GPHN: variants seen among roughly 807,000 people sequenced by gnomAD.
GPHN encodes gephyrin.
GPHN carries 17 observed loss-of-function variants against 95.5 expected under a neutral mutation model. That is an observed-to-expected ratio of 0.18 (90% CI 0.12 to 0.27). The LOEUF (loss-of-function observed/expected upper bound fraction) is 0.27. Ranked by LOEUF, GPHN falls within the 10% of genes least tolerant of loss-of-function variation. The pLI, the probability that GPHN is intolerant of heterozygous loss-of-function variation, is 1.00. For synonymous variants in GPHN, 320 were observed against 322.5 expected, an observed-to-expected ratio of 0.99 and a Z score of 0.08; for missense variants, 660 against 978.1, an observed-to-expected ratio of 0.67 and a Z score of 4.34.
intron 2 of GPHN, among the ~76,000 whole-genome samples, chr14:66,773,611 C>T (rs1434300761): frequency 6.6e-6 from 1 of 152,194 alleles, no homozygotes; most frequent in African/African-American, 2.4e-5. Flanking sequence ...CTCGGCCTCC[C>T]AAAGTGCTGG....
At chr14:66,703,058 G>A (rs957027030) in intron 2 of GPHN, among the ~76,000 whole-genome samples, 6 of 151,966 alleles carry the variant, frequency 3.9e-5, no homozygotes, top group African/African-American at 1.5e-4. Context: ...TGAAGACCAC[G>A]TTGCTGAAAT....
chr14:66,581,943 T>C (rs1307330342), intron 1 of GPHN, among the ~76,000 whole-genome samples: 4 of 152,018 alleles, frequency 2.6e-5, no homozygotes, highest in Non-Finnish European at 5.9e-5. Flanking sequence ...TATAGTGTAG[T>C]AGACTTTAGT....
intron 8 of GPHN, among the ~76,000 whole-genome samples, chr14:66,928,346 T>A (rs2066599040): frequency 6.6e-6 from 1 of 152,212 alleles, no homozygotes; most frequent in South Asian, 2.1e-4. Flanking sequence ...TAATGATACT[T>A]TGAATTTTTG....
chr14:67,225,960 T>TGTGTGTGTGC, the GPHN span, among the ~76,000 whole-genome samples: 1 of 119,756 alleles, frequency 8.4e-6, no homozygotes, highest in Non-Finnish European at 1.6e-5. Context: ...TGTGTGTGTG[T>TGTGTGTGTGC]GTGCGCGCGC....
intron 2 of GPHN, among the ~76,000 whole-genome samples, chr14:66,702,873 A>G (rs374810154): frequency 5.3e-5 from 8 of 152,198 alleles, no homozygotes; most frequent in Admixed American, 4.6e-4. Flanking sequence ...TTCTAACCCA[A>G]TGCAACAAAG....
At chr14:67,010,871 C>G (rs1047343560) in intron 9 of GPHN, among the ~76,000 whole-genome samples, 2 of 151,604 alleles carry the variant, frequency 1.3e-5, no homozygotes, top group African/African-American at 4.9e-5. Context: ...ATTCTCAGTT[C>G]AATAAATACT....
chr14:66,576,596 TA>T (rs1305019118), intron 1 of GPHN, among the ~76,000 whole-genome samples: 8 of 152,192 alleles, frequency 5.3e-5, no homozygotes, highest in African/African-American at 1.9e-4. Context: ...ATACTTATCT[TA>T]AAAATTTATG....
the GPHN span, among the ~76,000 whole-genome samples, chr14:67,545,713 A>T: frequency 1.3e-5 from 2 of 152,250 alleles, no homozygotes; most frequent in Admixed American, 1.3e-4. Context: ...GGAATACTAC[A>T]TTGCAATTAA....
chr14:66,764,240 A>C (rs2058874848), intron 2 of GPHN, among the ~76,000 whole-genome samples: 1 of 152,032 alleles, frequency 6.6e-6, no homozygotes, highest in African/African-American at 2.4e-5. Context: ...AAAGTATATG[A>C]TGGGAGGATG....
chr14:66,582,653 C>T (rs571994102), intron 1 of GPHN, among the ~76,000 whole-genome samples: 231 of 151,558 alleles, frequency 1.5e-3, no homozygotes, highest in African/African-American at 4.8e-3. Flanking sequence ...TTTGTCCTTG[C>T]GATAGTTTGC....
At chr14:67,343,285 T>TCAGTA in the GPHN span, 1 of 1,013,092 alleles carries the variant, frequency 9.9e-7, no homozygotes, top group African/African-American at 1.6e-5. Flanking sequence ...CTTTCAGTCT[T>TCAGTA]CAGTACAGTC....
the GPHN span, chr14:67,726,232 G>C: frequency 1.1e-6 from 1 of 915,756 alleles, no homozygotes; most frequent in Non-Finnish European, 1.8e-6. Flanking sequence ...GTGTAAATGT[G>C]GAGAATGTCC....
downstream of GPHN, among the ~76,000 whole-genome samples, chr14:67,184,289 A>G (rs1343585105): frequency 1.3e-5 from 2 of 152,260 alleles, no homozygotes; most frequent in Non-Finnish European, 2.9e-5. Flanking sequence ...TCTAGAGACA[A>G]TAAAACCATT....
intron 6 of GPHN, among the ~76,000 whole-genome samples, chr14:66,922,394 TA>T (rs1247894458): frequency 1.3e-5 from 2 of 152,064 alleles, no homozygotes; most frequent in African/African-American, 4.8e-5. Context: ...TATAAACATT[TA>T]AAAGTTAATT....
the GPHN span, chr14:67,473,544 C>G: frequency 4.3e-5 from 70 of 1,613,862 alleles, no homozygotes; most frequent in Non-Finnish European, 5.8e-5. This position sits in a 1 kb window ranked among gnomAD's most constrained non-coding sequence, Gnocchi z 6.5. Flanking sequence ...GATGAGGGCC[C>G]CGCAGAACCA....
intron 11 of GPHN, among the ~76,000 whole-genome samples, chr14:67,088,530 T>C (rs754380398): frequency 4.6e-5 from 7 of 152,214 alleles, no homozygotes; most frequent in Non-Finnish European, 8.8e-5. Flanking sequence ...GTTGATAGTT[T>C]GGTTTCTTTC....
At chr14:66,928,127 A>G (rs577226314) in intron 8 of GPHN, among the ~76,000 whole-genome samples, 1 of 152,090 alleles carries the variant, frequency 6.6e-6, no homozygotes, top group East Asian at 1.9e-4. Flanking sequence ...GTTCTTCTTT[A>G]AATATTTTGT....
At chr14:67,110,411 A>T in intron 14 of GPHN, 152 bp downstream of exon 14, 2 of 722,142 alleles carry the variant, frequency 2.8e-6, no homozygotes, top group Non-Finnish European at 4.9e-6. Context: ...ATTGTAGTAT[A>T]TGAGTCTCCA....
intron 1 of GPHN, among the ~76,000 whole-genome samples, chr14:66,672,005 A>G (rs1255452131): frequency 6.6e-6 from 1 of 152,036 alleles, no homozygotes; most frequent in Non-Finnish European, 1.5e-5. Context: ...AGTTGCTGTC[A>G]TATAGCTAGT....
Sources: gnomAD v4.1 joint callset for allele counts (sites outside exome capture counted in the v4.1 genomes callset) on GRCh38, gnomAD v4.1.1 for gene constraint, Gnocchi (gnomAD v3.1) non-coding constraint, MANE v1.5 for transcripts, NCBI Gene and HGNC (gene_info 2026-07-23, HGNC 2026-07-21) for gene names.